RAB3GAP1: variants seen among roughly 807,000 people sequenced by gnomAD.
RAB3GAP1 encodes the protein rab3 GTPase-activating protein catalytic subunit.
RAB3GAP1 carries 86 observed loss-of-function variants against 130.7 expected under a neutral mutation model. The ratio of observed to expected loss-of-function variants is 0.66; its 90% CI spans 0.55 to 0.79. The LOEUF is 0.79. Ranked by LOEUF, RAB3GAP1 falls within the 30% of genes least tolerant of loss-of-function variation. The probability of loss-of-function intolerance (pLI) is 0.00; values close to 1 mark genes in which losing one functional copy is unlikely to be tolerated. For missense variants in RAB3GAP1, 1,029 were observed against 1,169.4 expected, an observed-to-expected ratio of 0.88 and a Z score of 1.75; for synonymous variants, 367 against 401.7, an observed-to-expected ratio of 0.91 and a Z score of 1.03.
In RAB3GAP1 at chr2:135,064,460, G is replaced by A. The variant is rs141279875; in HGVS notation, c.150+6374G>A. 2.6e-3 allele frequency among the ~76,000 whole-genome samples: 395 copies of A among 152,086 alleles called. 1 individual carries two copies. Among genetic ancestry groups the A allele is most frequent in the African/African-American group, 8.7e-3 (360 of 41,504 alleles). ...TTCTTTCTTCTTTTGTTTCCAACTT[G>A]CTGTTAAGCCTACCTGCTGTATTTT... On this transcript the variant is annotated intron_variant, in intron 3 of 23. Transcript: ENST00000264158.
At chr2:135,056,083 G>C (rs529897102) in intron 2 of RAB3GAP1, among the ~76,000 whole-genome samples, 1 of 151,942 alleles carries the variant, frequency 6.6e-6, no homozygotes. Flanking sequence ...TGATCCGCCC[G>C]CCTCGGCCTC....
chr2:135,117,512 TGC>T (rs1691023441), intron 7 of RAB3GAP1, among the ~76,000 whole-genome samples: 1 of 126,042 alleles, frequency 7.9e-6, no homozygotes, highest in African/African-American at 3.0e-5. Context: ...CTTCTTCTTC[TGC>T]TTCTTCTGCT....
intron 22 of RAB3GAP1, among the ~76,000 whole-genome samples, 153 bp from the exon 23 acceptor site, chr2:135,164,441 A>G (rs923196853): frequency 6.6e-6 from 1 of 152,238 alleles, no homozygotes; most frequent in African/African-American, 2.4e-5. Context: ...CCAAATGTCA[A>G]TCTTATCTTG....
intron 3 of RAB3GAP1, among the ~76,000 whole-genome samples, chr2:135,080,544 C>T (rs982377061): frequency 3.9e-5 from 6 of 152,184 alleles, no homozygotes; most frequent in Non-Finnish European, 8.8e-5. Context: ...CTAAATGGTA[C>T]TTGTTTCCTT....
chr2:135,153,035 A>C (rs1692217589), intron 18 of RAB3GAP1: 1 of 153,930 alleles, frequency 6.5e-6, no homozygotes, highest in South Asian at 2.0e-4. Context: ...TTAACAGCAC[A>C]AAACCAATTA....
At chr2:135,158,406 C>G (rs1692376065) in intron 19 of RAB3GAP1, among the ~76,000 whole-genome samples, 1 of 152,032 alleles carries the variant, frequency 6.6e-6, no homozygotes, top group African/African-American at 2.4e-5. Flanking sequence ...TCATAGAGAG[C>G]TAACTTGAAA....
intron 21 of RAB3GAP1, 41 bp downstream of exon 21, chr2:135,162,892 C>T (rs1488229889): frequency 6.3e-7 from 1 of 1,578,990 alleles, no homozygotes; most frequent in South Asian, 1.1e-5. Context: ...AAGTGTTCTC[C>T]TCAGTTGGCA....
At chr2:135,158,659 G>T (rs1248747615) in intron 19 of RAB3GAP1, among the ~76,000 whole-genome samples, 1 of 152,182 alleles carries the variant, frequency 6.6e-6, no homozygotes, top group Non-Finnish European at 1.5e-5. Context: ...GGTTCACCAA[G>T]AATCATGAAT....
At chr2:135,126,342 TA>T (rs1240930562) in intron 10 of RAB3GAP1, 93 bp downstream of exon 10, 4 of 1,076,952 alleles carry the variant, frequency 3.7e-6, no homozygotes, top group Non-Finnish European at 5.5e-6. Flanking sequence ...CATTTTTTAT[TA>T]TTTTGTTTTG....
At chr2:135,171,009 C>T (rs902559842), downstream of RAB3GAP1, among the ~76,000 whole-genome samples, 1 of 152,084 alleles carries the variant, frequency 6.6e-6, no homozygotes, top group African/African-American at 2.4e-5. Context: ...TCCCTTCTTG[C>T]CAGGAGCCTT....
In RAB3GAP1 at chr2:135,105,302, C is replaced by G. The variant is rs554896710; in HGVS notation, c.363-7849C>G. Among the ~76,000 whole-genome samples the G allele has an allele frequency of 4.1e-5, 6 of 147,630 alleles. No individual in the cohort carries two copies. In the East Asian group the frequency reaches 1.3e-3, roughly 32 times the overall value. ...GCCAAGCCGAACCTGGACTGTACTG[C>G]CGCCATCTCGGCTCACTGCAACCTC... On this transcript the variant is annotated intron_variant, in intron 5 of 23. Transcript: ENST00000264158.
In RAB3GAP1 at chr2:135,130,738, T is replaced by C. The variant is rs1411306537; in HGVS notation, c.1236+17T>C. On this transcript the variant is annotated intron_variant, in intron 13 of 23. Coordinates refer to ENST00000264158, the MANE Select transcript of RAB3GAP1 (RefSeq NM_012233.3). ...ATTCTCCTGGTAACTAAATGTTCTG[T>C]CTTTATAGGTCTATATGCAGAATCA... 1.9e-6 allele frequency: 3 copies of C among 1,594,046 alleles called. No homozygotes were observed. Among genetic ancestry groups the C allele is most frequent in the Non-Finnish European group, 2.6e-6 (3 of 1,162,236 alleles).
At chr2:135,086,694 G>T (rs1202549590) in intron 3 of RAB3GAP1, among the ~76,000 whole-genome samples, 1 of 107,948 alleles carries the variant, frequency 9.3e-6, no homozygotes, top group Non-Finnish European at 1.7e-5. Context: ...TTTCCTTAGA[G>T]ATAGGGTCTT....
chr2:135,144,849 C>G (rs1363608646), intron 17 of RAB3GAP1, among the ~76,000 whole-genome samples: 4 of 152,200 alleles, frequency 2.6e-5, no homozygotes, highest in African/African-American at 4.8e-5. Flanking sequence ...ATGCGGTATT[C>G]TCTCTTGCCT....
chr2:135,106,015 G>T (rs1690598591), intron 5 of RAB3GAP1, among the ~76,000 whole-genome samples: 1 of 152,102 alleles, frequency 6.6e-6, no homozygotes, highest in African/African-American at 2.4e-5. Context: ...CGTCTGAGAA[G>T]TGAGGAGCCC....
chr2:135,075,007 C>T lies in RAB3GAP1; in HGVS notation c.151-15991C>T, dbSNP rs1689589153. 2.0e-5 allele frequency among the ~76,000 whole-genome samples: 3 copies of T among 152,106 alleles called. No homozygotes were observed. The South Asian group carries it at 6.2e-4, about 32-fold the overall frequency. ...CCCACCTGGGACCCCTTCCTTGTTG[C>T]TTACTAATCAGGACTCCACACTTTG... On this transcript the variant is annotated intron_variant, in intron 3 of 23. Transcript: ENST00000264158.
In RAB3GAP1 at chr2:135,135,929, C is replaced by T. The variant is rs777183636; in HGVS notation, c.1920C>T (p.Thr640=). 6.8e-6 allele frequency: 11 copies of T among 1,613,606 alleles called. No individual in the cohort carries two copies. Among genetic ancestry groups the T allele is most frequent in the Admixed American group, 5.0e-5 (3 of 60,004 alleles). Residue 640 remains threonine (T), a synonymous_variant, in exon 17 of 24, where the codon ACC becomes ACT. Coordinates refer to ENST00000264158, the MANE Select transcript of RAB3GAP1 (RefSeq NM_012233.3). ...HNGEPLYIPV[T]QEPAPMTEDL... ...GAGAACCTCTCTACATTCCAGTAAC[C>T]CAGGTAGGATGCACTAGTTCTTTCC...
intron 5 of RAB3GAP1, among the ~76,000 whole-genome samples, chr2:135,106,737 A>G (rs552511914): frequency 6.6e-6 from 1 of 151,318 alleles, no homozygotes; most frequent in Non-Finnish European, 1.5e-5. Flanking sequence ...AGAAACACCC[A>G]AGAATCATCA....
rs118184900 is a variant in RAB3GAP1, at chr2:135,165,394, C to T, written c.2709+698C>T. On this transcript the variant is annotated intron_variant, in intron 23 of 23. Coordinates refer to ENST00000264158, the MANE Select transcript of RAB3GAP1 (RefSeq NM_012233.3). ...AAAGGCGTTATGTGCACTAATTACA[C>T]GCTTCCCCTTATATGGCACTGTGAT... 1.7e-3 allele frequency among the ~76,000 whole-genome samples: 253 copies of T among 152,292 alleles called. 3 individuals carry two copies. The East Asian group carries it at 0.044, about 26-fold the overall frequency.
Sources: gnomAD v4.1 joint callset for allele counts (sites outside exome capture counted in the v4.1 genomes callset) on GRCh38, gnomAD v4.1.1 for gene constraint, MANE v1.5 for transcripts, NCBI Gene and HGNC (gene_info 2026-07-23, HGNC 2026-07-21) for gene names.